Variants in SIMC1 observed in about 807,000 individuals in gnomAD.
SIMC1 encodes the protein SUMO-interacting motif-containing protein 1.
In SIMC1, 55 loss-of-function variants were observed where a neutral mutation model predicts 82.3. The observed-to-expected ratio is 0.67, with a 90% CI of 0.54 to 0.84. The LOEUF is 0.84. Among genes scored for constraint, SIMC1 ranks in the 40% least tolerant of loss-of-function variants. SIMC1 has a pLI of 0.00. For missense variants in SIMC1, 915 were observed against 1,107.2 expected, an observed-to-expected ratio of 0.83 and a Z score of 2.46; for synonymous variants, 353 against 426.3, an observed-to-expected ratio of 0.83 and a Z score of 2.12.
chr5:176,280,011 T>C (rs1038171707), intron 1 of SIMC1, among the ~76,000 whole-genome samples: 2 of 152,062 alleles, frequency 1.3e-5, no homozygotes, highest in Admixed American at 6.6e-5. Flanking sequence ...AGAGCTGAGT[T>C]CAATTCCTGG....
chr5:176,245,646 A>G (rs547024085), intron 1 of SIMC1, among the ~76,000 whole-genome samples: 18 of 152,176 alleles, frequency 1.2e-4, no homozygotes, highest in Admixed American at 8.5e-4. Context: ...GCTTATGTCA[A>G]CCTAAATAAC....
chr5:176,272,780 A>G (rs1040141758), intron 1 of SIMC1, among the ~76,000 whole-genome samples: 1 of 152,234 alleles, frequency 6.6e-6, no homozygotes, highest in Non-Finnish European at 1.5e-5. Flanking sequence ...GCACACCAGC[A>G]GATTATATCC....
chr5:176,289,104 G>T (rs2113254635), intron 1 of SIMC1, among the ~76,000 whole-genome samples: 1 of 152,242 alleles, frequency 6.6e-6, no homozygotes, highest in African/African-American at 2.4e-5. Flanking sequence ...ACAGATCTGT[G>T]TTTGAATGTC....
chr5:176,273,565 A>G (rs542888982), intron 1 of SIMC1, among the ~76,000 whole-genome samples: 2 of 152,210 alleles, frequency 1.3e-5, no homozygotes, highest in South Asian at 4.1e-4. Context: ...CAGGTTAGTT[A>G]CATATGTATA....
At chr5:176,318,554 T>C (rs1397953045) in intron 5 of SIMC1, among the ~76,000 whole-genome samples, 5 of 152,226 alleles carry the variant, frequency 3.3e-5, no homozygotes, top group Admixed American at 3.3e-4. Flanking sequence ...TTTTCAAGAC[T>C]GGATGACTTG....
intron 1 of SIMC1, among the ~76,000 whole-genome samples, chr5:176,272,866 A>G (rs969381607): frequency 2.6e-5 from 4 of 152,200 alleles, no homozygotes; most frequent in African/African-American, 9.7e-5. Flanking sequence ...TTGAACTGCA[A>G]GGTGCCAGCG....
intron 4 of SIMC1, 83 bp from the exon 5 acceptor site, chr5:176,313,608 G>C (rs1024357695): frequency 6.3e-7 from 1 of 1,583,776 alleles, no homozygotes; most frequent in Non-Finnish European, 8.6e-7. Flanking sequence ...CTTCTCTTGG[G>C]CTTAGTATTT....
At chr5:176,248,167 G>A (rs969185597) in intron 1 of SIMC1, among the ~76,000 whole-genome samples, 1 of 152,068 alleles carries the variant, frequency 6.6e-6, no homozygotes. Context: ...GCTTGATGGG[G>A]ATAGCATTGA....
intron 2 of SIMC1, among the ~76,000 whole-genome samples, chr5:176,292,125 T>A (rs1763604061): frequency 6.6e-6 from 1 of 152,220 alleles, no homozygotes; most frequent in Admixed American, 6.5e-5. Context: ...TTACAGCTTC[T>A]ATATCACAGA....
At chr5:176,282,585 C>T (rs573414046) in intron 1 of SIMC1, among the ~76,000 whole-genome samples, 5 of 150,130 alleles carry the variant, frequency 3.3e-5, no homozygotes, top group Non-Finnish European at 6.0e-5. Flanking sequence ...CTCCTCCCCC[C>T]GAAAAGCTGA....
At chr5:176,312,819 G>A (rs1382154529) in intron 4 of SIMC1, among the ~76,000 whole-genome samples, 1 of 152,096 alleles carries the variant, frequency 6.6e-6, no homozygotes, top group Non-Finnish European at 1.5e-5. Context: ...GGTACCTTCT[G>A]GTTCTTTAAA....
chr5:176,285,983 A>G (rs1007510083), intron 1 of SIMC1, among the ~76,000 whole-genome samples: 1 of 152,258 alleles, frequency 6.6e-6, no homozygotes, highest in African/African-American at 2.4e-5. Flanking sequence ...ACGAAATAAA[A>G]GAGGACACAA....
chr5:176,250,558 G>A (rs1384409681), intron 1 of SIMC1, among the ~76,000 whole-genome samples: 1 of 152,120 alleles, frequency 6.6e-6, no homozygotes, highest in Non-Finnish European at 1.5e-5. Context: ...ATTGACAGTG[G>A]GGTGTTAAAA....
intron 5 of SIMC1, among the ~76,000 whole-genome samples, chr5:176,321,885 C>CTTTTTTTTTTTTTTTTT: frequency 1.1e-5 from 1 of 90,720 alleles, no homozygotes; most frequent in Non-Finnish European, 2.0e-5. Context: ...TTTTAGTTAG[C>CTTTTTTTTTTTTTTTTT]TTTTTTTTTT....
chr5:176,345,326 G>C lies in SIMC1; in HGVS notation c.2557G>C (p.Gly853Arg), dbSNP rs900020670. The C allele has an allele frequency of 3.7e-6, 6 of 1,613,792 alleles. No homozygotes were observed. In the Admixed American group the frequency reaches 5.0e-5, roughly 13 times the overall value. Residue 853 changes from glycine (G) to arginine (R), a missense_variant, in exon 10 of 10, where the codon GGG (glycine) becomes CGG (arginine). Coordinates refer to ENST00000429602, the MANE Select transcript of SIMC1 (RefSeq NM_001308195.2). ...CCGCAGCCGCCTGATCCAGATGCTG[G>C]GGGAGCCTCTTGTCCCCCAACTCCA... ...AFRSRLIQML[G>R]EPLVPQLQDK...
intron 7 of SIMC1, among the ~76,000 whole-genome samples, chr5:176,329,452 G>A (rs564164452): frequency 6.6e-6 from 1 of 151,184 alleles, no homozygotes; most frequent in South Asian, 2.1e-4. Flanking sequence ...AGTCCAGCCT[G>A]GGCGAAAGAG....
intron 3 of SIMC1, 192 bp from the exon 4 acceptor site, chr5:176,296,059 C>CT: frequency 9.9e-7 from 1 of 1,009,770 alleles, no homozygotes; most frequent in Admixed American, 2.9e-5. Context: ...CAAAAGGGGA[C>CT]TGGATACTGG....
At chr5:176,342,509 C>G (rs1766192810) in intron 9 of SIMC1, among the ~76,000 whole-genome samples, 1 of 152,206 alleles carries the variant, frequency 6.6e-6, no homozygotes, top group African/African-American at 2.4e-5. Context: ...ATCCCCAGTG[C>G]TTCCACCCAG....
Position 176,296,276 on chromosome 5 carries a change from G to A in SIMC1, c.1690G>A (p.Val564Met), listed in dbSNP as rs1293406580. The A allele has an allele frequency of 1.2e-6, 2 of 1,613,500 alleles. No individual in the cohort carries two copies. The highest frequency in any genetic ancestry group is 4.5e-5 in the East Asian group (2 of 44,872). Residue 564 changes from valine to methionine, a missense_variant, in exon 4 of 10, where the codon GTG becomes ATG. Physicochemically the swap from Val to Met is conservative, Grantham distance 21. Transcript: ENST00000429602. ...QQLHPANAKT[V>M]EWDWKLLTYV... ...GCTACATCCAGCCAATGCCAAGACA[G>A]TGGAGTGGGACTGGAAACTGCTCAC...
Sources: allele counts gnomAD v4.1 joint callset (sites outside exome capture counted in the v4.1 genomes callset), GRCh38; gene constraint gnomAD v4.1.1; transcripts MANE v1.5; gene names NCBI Gene and HGNC (gene_info 2026-07-23, HGNC 2026-07-21).